Variants in GNAQ observed in about 807,000 individuals in gnomAD.
GNAQ encodes guanine nucleotide-binding protein G(q) subunit alpha.
GNAQ carries 8 observed loss-of-function variants against 43.9 expected under a neutral mutation model. The observed-to-expected ratio is 0.18, with a 90% CI of 0.11 to 0.33. The LOEUF (loss-of-function observed/expected upper bound fraction) is 0.33, where lower values mean the gene tolerates loss of function less well. Among genes scored for constraint, GNAQ ranks in the 10% least tolerant of loss-of-function variants. GNAQ has a pLI of 1.00. For synonymous variants in GNAQ, 155 were observed against 170.7 expected (o/e 0.91, Z 0.71); for missense variants, 158 against 450.8 (o/e 0.35, Z 5.88).
At chr9:77,985,578 T>G (rs1301584507) in intron 1 of GNAQ, among the ~76,000 whole-genome samples, 1 of 152,132 alleles carries the variant, frequency 6.6e-6, no homozygotes, top group Non-Finnish European at 1.5e-5. Context: ...GTATAATTTT[T>G]AATTTTTCTA....
intron 1 of GNAQ, among the ~76,000 whole-genome samples, chr9:77,924,523 G>A (rs1829041087): frequency 6.6e-6 from 1 of 152,166 alleles, no homozygotes; most frequent in African/African-American, 2.4e-5. Context: ...CTGGTCACCT[G>A]AGAAATTTTT....
At chr9:77,734,337 A>G (rs1302707337) in intron 5 of GNAQ, among the ~76,000 whole-genome samples, 1 of 152,228 alleles carries the variant, frequency 6.6e-6, no homozygotes, top group Non-Finnish European at 1.5e-5. Flanking sequence ...ACCTGATACA[A>G]GTTATCCACC....
At chr9:77,929,901 A>G (rs1304963777) in intron 1 of GNAQ, among the ~76,000 whole-genome samples, 1 of 152,188 alleles carries the variant, frequency 6.6e-6, no homozygotes, top group South Asian at 2.1e-4. Context: ...TACTATGACA[A>G]TTATTCTCTG....
Position 77,719,303 on chromosome 9 carries a change from A to T in GNAQ, c.*2020T>A. 1 of 232,776 alleles carries T rather than the reference A, an allele frequency of 4.3e-6. No homozygotes were observed. The highest frequency in any genetic ancestry group is 8.5e-6 in the Non-Finnish European group (1 of 117,736). The allele number at this position is 232,776 out of a possible 1,614,324, so 14.4% of individuals were successfully genotyped here. A position where few individuals can be genotyped will look rare whatever the true frequency, so the allele number is the denominator to read the frequency against. Reference sequence around the variant, plus strand: ...TACAGCACATTCAATCTGCCAAAAAATTAATGATTACAAAGCCAGTATGGA... The same window carrying T: ...TACAGCACATTCAATCTGCCAAAAATTTAATGATTACAAAGCCAGTATGGA... On this transcript the variant is annotated 3_prime_UTR_variant, in exon 7 of 7. Transcript: ENST00000286548.
intron 1 of GNAQ, among the ~76,000 whole-genome samples, 175 bp downstream of exon 1, chr9:78,030,921 CTGTG>C (rs1824048449): frequency 8.5e-6 from 1 of 117,232 alleles, no homozygotes; most frequent in African/African-American, 3.6e-5. Context: ...GTGTGTGTGT[CTGTG>C]TGTAACGCGC....
At chr9:77,858,597 G>A (rs969983417) in intron 2 of GNAQ, among the ~76,000 whole-genome samples, 16 of 151,838 alleles carry the variant, frequency 1.1e-4, no homozygotes, top group Non-Finnish European at 1.9e-4. Context: ...ACCCTCCTCT[G>A]TAGTGTCTGA....
intron 5 of GNAQ, among the ~76,000 whole-genome samples, chr9:77,736,980 T>C (rs2118246175): frequency 1.3e-5 from 2 of 152,358 alleles, no homozygotes; most frequent in South Asian, 4.1e-4. Flanking sequence ...TTTTTTTACT[T>C]TATGCTTAGA....
chr9:77,853,799 A>C (rs989286311), intron 2 of GNAQ, among the ~76,000 whole-genome samples: 1 of 150,124 alleles, frequency 6.7e-6, no homozygotes, highest in African/African-American at 2.5e-5. Flanking sequence ...AAAAAAAAAA[A>C]ACCCACAGGC....
chr9:77,777,678 A>C (rs1406458765), intron 5 of GNAQ, among the ~76,000 whole-genome samples: 1 of 152,090 alleles, frequency 6.6e-6, no homozygotes, highest in Non-Finnish European at 1.5e-5. Context: ...GAGGATCTAA[A>C]TAGACATTTC....
chr9:77,911,218 G>C (rs1243720243), intron 2 of GNAQ, among the ~76,000 whole-genome samples: 1 of 152,196 alleles, frequency 6.6e-6, no homozygotes, highest in Non-Finnish European at 1.5e-5. Context: ...AGGCCACCAA[G>C]CATAAGCTGG....
chr9:77,856,125 C>A (rs1827750725), intron 2 of GNAQ, among the ~76,000 whole-genome samples: 1 of 152,114 alleles, frequency 6.6e-6, no homozygotes, highest in African/African-American at 2.4e-5. Context: ...CAATGAAAGG[C>A]ATTCTTGGGC....
At chr9:77,855,982 C>T (rs1827748509) in intron 2 of GNAQ, among the ~76,000 whole-genome samples, 1 of 152,088 alleles carries the variant, frequency 6.6e-6, no homozygotes, top group Non-Finnish European at 1.5e-5. Flanking sequence ...AGGAACATAA[C>T]ACAGACTATA....
intron 6 of GNAQ, among the ~76,000 whole-genome samples, chr9:77,727,887 G>A (rs1456883036): frequency 6.6e-6 from 1 of 152,070 alleles, no homozygotes; most frequent in Admixed American, 6.5e-5. Flanking sequence ...AGAGGTGGAC[G>A]GTAACCAAAT....
chr9:77,951,783 C>T (rs1023217566), intron 1 of GNAQ, among the ~76,000 whole-genome samples: 8 of 152,134 alleles, frequency 5.3e-5, no homozygotes, highest in Admixed American at 1.3e-4. Context: ...GGGGTCATCT[C>T]GATGAGTTAT....
rs1209929419 is a variant in GNAQ at position 77,763,107 on chromosome 9, TA to T, written c.735+31355del. Reference sequence around the variant, plus strand: ...CAAGAATGATCAATAAAAATAAAATTAAAAAAAAACAAAAAAATAAACAAAC... The same window carrying T: ...CAAGAATGATCAATAAAAATAAAATTAAAAAAAACAAAAAAATAAACAAAC... On this transcript the variant is annotated intron_variant, in intron 5 of 6. Coordinates refer to ENST00000286548, the MANE Select transcript of GNAQ (RefSeq NM_002072.5). Among the ~76,000 whole-genome samples, 595 of 86,866 alleles carry T rather than the reference TA, an allele frequency of 6.8e-3. 4 individuals carry two copies. The highest frequency in any genetic ancestry group is 7.5e-3 in the Non-Finnish European group (285 of 38,090). The allele number at this position is 86,866 out of a possible 152,430, so 57.0% of individuals were successfully genotyped here.
chr9:77,840,714 A>G (rs1015481792), intron 2 of GNAQ, among the ~76,000 whole-genome samples: 3 of 152,240 alleles, frequency 2.0e-5, no homozygotes, highest in African/African-American at 4.8e-5. Flanking sequence ...AAAAAGAAAA[A>G]AAGAATAAAT....
chr9:77,966,822 C>G (rs1219519525), intron 1 of GNAQ, among the ~76,000 whole-genome samples: 1 of 152,188 alleles, frequency 6.6e-6, no homozygotes, highest in Non-Finnish European at 1.5e-5. Flanking sequence ...CATTCTTCAA[C>G]AAACTATGCT....
intron 2 of GNAQ, among the ~76,000 whole-genome samples, chr9:77,911,366 T>C (rs531395606): frequency 2.0e-5 from 3 of 152,332 alleles, no homozygotes; most frequent in African/African-American, 7.2e-5. Flanking sequence ...TGTGTATACG[T>C]GTGTATGTGG....
At chr9:77,993,398 G>T (rs1020689477) in intron 1 of GNAQ, among the ~76,000 whole-genome samples, 1 of 152,096 alleles carries the variant, frequency 6.6e-6, no homozygotes, top group Non-Finnish European at 1.5e-5. Context: ...GGAGAAAAAA[G>T]AATATAAAAG....
Sources: gnomAD v4.1 joint callset for allele counts (sites outside exome capture counted in the v4.1 genomes callset) on GRCh38, gnomAD v4.1.1 for gene constraint, MANE v1.5 for transcripts, NCBI Gene and HGNC (gene_info 2026-07-23, HGNC 2026-07-21) for gene names.